The following ZNF83 variants were observed in gnomAD, a reference collection of about 807,000 sequenced individuals.
ZNF83 encodes zinc finger protein 83, also known as zinc finger protein 816B.
For missense variants in ZNF83, 552 were observed against 629.9 expected (o/e 0.88, Z 1.32); for synonymous variants, 209 against 213.0 (o/e 0.98, Z 0.17).
intron 2 of ZNF83, chr19:52,619,015 C>G (rs751459274): frequency 1.9e-6 from 3 of 1,604,380 alleles, no homozygotes; most frequent in South Asian, 2.2e-5. Flanking sequence ...GGCATTTCCA[C>G]TCCTCCTGAG....
At chr19:52,689,925 C>T (rs1377961217) in intron 1 of ZNF83, among the ~76,000 whole-genome samples, 1 of 152,226 alleles carries the variant, frequency 6.6e-6, no homozygotes, top group Non-Finnish European at 1.5e-5. Context: ...GAAGCGGTGA[C>T]TGCGGAGGAG....
At chr19:52,636,206 T>C (rs2061142123) in intron 1 of ZNF83, 1 of 151,772 alleles carries the variant, frequency 6.6e-6, no homozygotes, top group Non-Finnish European at 1.5e-5. Flanking sequence ...TCCCAGCTAC[T>C]TAGGAAGCTG....
At chr19:52,650,079 G>A (rs2061423306) in intron 3 of ZNF83, among the ~76,000 whole-genome samples, 1 of 152,050 alleles carries the variant, frequency 6.6e-6, no homozygotes, top group African/African-American at 2.4e-5. Context: ...TGTTACAAGT[G>A]TGGAAAATTA....
At chr19:52,674,572 G>T (rs1223030985) in intron 1 of ZNF83, among the ~76,000 whole-genome samples, 1 of 152,162 alleles carries the variant, frequency 6.6e-6, no homozygotes, top group East Asian at 1.9e-4. Flanking sequence ...ACATTCAGTG[G>T]ATTTGCAGAG....
chr19:52,628,690 TTC>T (rs1184279034), intron 2 of ZNF83, among the ~76,000 whole-genome samples: 2 of 151,920 alleles, frequency 1.3e-5, no homozygotes. Context: ...CCCCAACACC[TTC>T]TCTCTGTGTC....
intron 2 of ZNF83, among the ~76,000 whole-genome samples, chr19:52,630,012 A>G (rs628616): frequency 0.77 from 114,385 of 147,864 alleles, 44,302 homozygotes; most frequent in African/African-American, 0.87. Flanking sequence ...GTGGCCAGGC[A>G]TTCCTCCAGA....
intron 1 of ZNF83, among the ~76,000 whole-genome samples, chr19:52,685,220 C>G (rs2147368296): frequency 6.6e-6 from 1 of 152,276 alleles, no homozygotes; most frequent in East Asian, 1.9e-4. Flanking sequence ...CTTTTCTGGT[C>G]TAGCCCCTCA....
intron 1 of ZNF83, among the ~76,000 whole-genome samples, chr19:52,682,118 T>C (rs1365322211): frequency 6.6e-6 from 1 of 152,176 alleles, no homozygotes; most frequent in Non-Finnish European, 1.5e-5. Flanking sequence ...AGTGCTGGGA[T>C]TACGGGCATG....
At chr19:52,679,990 A>T (rs1178409469) in intron 1 of ZNF83, among the ~76,000 whole-genome samples, 1 of 152,074 alleles carries the variant, frequency 6.6e-6, no homozygotes, top group Non-Finnish European at 1.5e-5. Context: ...GACCAGACTG[A>T]CCAACATGGA....
intron 1 of ZNF83, among the ~76,000 whole-genome samples, chr19:52,663,484 T>C (rs61461939): frequency 0.2 from 30,225 of 152,144 alleles, 3,760 homozygotes; most frequent in Non-Finnish European, 0.26. Context: ...CCAGAGGAAC[T>C]TGAGGAAAAT....
chr19:52,636,789 G>A (rs639767), intron 1 of ZNF83: 75,259 of 151,212 alleles, frequency 0.5, 19,412 homozygotes, highest in African/African-American at 0.61. Context: ...CAGAGTAGCT[G>A]GGATTACAGG....
chr19:52,659,355 C>A (rs11880907), intron 2 of ZNF83, among the ~76,000 whole-genome samples: 17,273 of 152,042 alleles, frequency 0.11, 1,120 homozygotes, highest in African/African-American at 0.17. Flanking sequence ...GAGGTTACCA[C>A]CTTCTGGGGG....
At chr19:52,681,334 T>C (rs9304731) in intron 1 of ZNF83, among the ~76,000 whole-genome samples, 7,364 of 147,024 alleles carry the variant, frequency 0.05, 627 homozygotes, top group African/African-American at 0.18. Flanking sequence ...CTACAGATAG[T>C]ATGTTCAACA....
At chr19:52,634,255 G>C (rs1317634211) in intron 2 of ZNF83, among the ~76,000 whole-genome samples, 1 of 143,654 alleles carries the variant, frequency 7.0e-6, no homozygotes, top group East Asian at 2.0e-4. Flanking sequence ...CTGGGTGACA[G>C]AGCAAGACTC....
chr19:52,628,004 A>C lies in ZNF83; in HGVS notation c.-234+7062T>G, dbSNP rs562604364. 4.5e-3 allele frequency among the ~76,000 whole-genome samples: 689 copies of C among 152,124 alleles called. 4 individuals are homozygous for C. The highest frequency in any genetic ancestry group is 7.8e-3 in the Non-Finnish European group (528 of 67,986). ...GCTCCCCCACTGAGTACGTTGTGAC[A>C]CCCACTCCTGCCCACCAGAGAACAA... On this transcript the variant is annotated intron_variant, in intron 2 of 2. Coordinates refer to ENST00000301096, the Ensembl canonical transcript of ZNF83.
chr19:52,658,066 G>A (rs2061530225), intron 2 of ZNF83, among the ~76,000 whole-genome samples: 1 of 150,844 alleles, frequency 6.6e-6, no homozygotes, highest in Non-Finnish European at 1.5e-5. Context: ...AACCATGAAA[G>A]CGGAGGTTGC....
chr19:52,677,806 G>A (rs2061841643), intron 1 of ZNF83, among the ~76,000 whole-genome samples: 1 of 151,982 alleles, frequency 6.6e-6, no homozygotes, highest in Non-Finnish European at 1.5e-5. Context: ...AGTGGAGGTG[G>A]GTGGATCATG....
intron 2 of ZNF83, chr19:52,617,845 A>G (rs1291552555): frequency 6.5e-6 from 1 of 152,754 alleles, no homozygotes; most frequent in East Asian, 1.9e-4. Context: ...CCTGCTTATA[A>G]AAAGTAGGAA....
At chr19:52,630,591 T>G (rs567465848) in intron 2 of ZNF83, among the ~76,000 whole-genome samples, 85 of 152,188 alleles carry the variant, frequency 5.6e-4, no homozygotes, top group African/African-American at 1.9e-3. Flanking sequence ...TACAGCCGCA[T>G]CTCACTGCTG....
Sources: gnomAD v4.1 joint callset for allele counts (sites outside exome capture counted in the v4.1 genomes callset) on GRCh38, gnomAD v4.1.1 for gene constraint, MANE v1.5 for transcripts, NCBI Gene and HGNC (gene_info 2026-07-23, HGNC 2026-07-21) for gene names.